ZFPM2: variants seen among roughly 807,000 people sequenced by gnomAD.
ZFPM2 encodes the protein zinc finger protein ZFPM2.
Under a neutral mutation model 98.6 loss-of-function variants are expected in ZFPM2, and 20 were observed. The ratio of observed to expected loss-of-function variants is 0.20; its 90% CI spans 0.14 to 0.29. ZFPM2 has a LOEUF of 0.29. ZFPM2 is among the 10% of genes least tolerant of loss of function. The probability of loss-of-function intolerance (pLI) is 1.00; values close to 1 mark genes in which losing one functional copy is unlikely to be tolerated. For missense variants in ZFPM2, 1,310 were observed against 1,388.6 expected (o/e 0.94, Z 0.90); for synonymous variants, 518 against 502.7 (o/e 1.03, Z -0.41).
At chr8:105,571,793 T>C (rs1815360144) in intron 4 of ZFPM2, among the ~76,000 whole-genome samples, 1 of 152,228 alleles carries the variant, frequency 6.6e-6, no homozygotes, top group Non-Finnish European at 1.5e-5. Context: ...GATAATGCTT[T>C]GTCAAACTCT....
chr8:105,446,885 A>G (rs1218846594), intron 3 of ZFPM2, among the ~76,000 whole-genome samples: 2 of 152,178 alleles, frequency 1.3e-5, no homozygotes, highest in Non-Finnish European at 2.9e-5. Flanking sequence ...TTTTCAAGGT[A>G]GAATATTCAT....
chr8:105,585,298 T>A (rs997186681), intron 4 of ZFPM2, among the ~76,000 whole-genome samples: 5 of 152,158 alleles, frequency 3.3e-5, no homozygotes, highest in Admixed American at 3.3e-4. Context: ...CCTTTTCAGT[T>A]TGTGGTTTTG....
intron 1 of ZFPM2, among the ~76,000 whole-genome samples, chr8:105,330,597 T>TATATATAC (rs1554595006): frequency 2.8e-5 from 2 of 71,440 alleles, no homozygotes; most frequent in Non-Finnish European, 5.5e-5. Flanking sequence ...TATATATACA[T>TATATATAC]ATATATATAT....
chr8:105,621,798 G>C (rs1161694461), intron 4 of ZFPM2, among the ~76,000 whole-genome samples: 1 of 151,882 alleles, frequency 6.6e-6, no homozygotes, highest in Non-Finnish European at 1.5e-5. Context: ...ATTATTGAAT[G>C]AATAATGAAT....
At chr8:105,570,913 A>G (rs1815340639) in intron 4 of ZFPM2, among the ~76,000 whole-genome samples, 1 of 152,210 alleles carries the variant, frequency 6.6e-6, no homozygotes, top group Non-Finnish European at 1.5e-5. Context: ...TTATTTTTAC[A>G]AGATTATTCA....
intron 4 of ZFPM2, among the ~76,000 whole-genome samples, chr8:105,580,191 G>C (rs1462853009): frequency 6.6e-6 from 1 of 152,136 alleles, no homozygotes; most frequent in African/African-American, 2.4e-5. Flanking sequence ...AAAGATATGT[G>C]CTGATAACAG....
At chr8:105,380,958 G>C (rs1810876402) in intron 1 of ZFPM2, among the ~76,000 whole-genome samples, 1 of 73,638 alleles carries the variant, frequency 1.4e-5, no homozygotes. Context: ...TTAAGTTCTG[G>C]GATACACGTG....
At chr8:105,456,707 C>T (rs895516096) in intron 3 of ZFPM2, among the ~76,000 whole-genome samples, 23 of 152,150 alleles carry the variant, frequency 1.5e-4, no homozygotes, top group Non-Finnish European at 2.8e-4. Context: ...GAGTCTTGCT[C>T]TGTTGCCCAG....
chr8:105,672,193 A>G (rs1040295406), intron 5 of ZFPM2, among the ~76,000 whole-genome samples: 24 of 151,988 alleles, frequency 1.6e-4, no homozygotes, highest in Admixed American at 1.2e-3. Flanking sequence ...GTTATCTTGT[A>G]TTACTCCTTT....
At chr8:105,513,099 G>C (rs1681142712) in intron 3 of ZFPM2, among the ~76,000 whole-genome samples, 1 of 152,136 alleles carries the variant, frequency 6.6e-6, no homozygotes, top group Non-Finnish European at 1.5e-5. Context: ...TTTAGCTCTT[G>C]TGTTTGTTGT....
intron 4 of ZFPM2, among the ~76,000 whole-genome samples, chr8:105,563,494 T>C (rs138066774): frequency 3.9e-5 from 6 of 152,304 alleles, no homozygotes; most frequent in African/African-American, 1.4e-4. Context: ...TTTAATATTC[T>C]GGGCAATTTG....
At chr8:105,475,476 G>A (rs1812995561) in intron 3 of ZFPM2, among the ~76,000 whole-genome samples, 1 of 152,206 alleles carries the variant, frequency 6.6e-6, no homozygotes, top group Admixed American at 6.5e-5. Flanking sequence ...CAGAGATCAA[G>A]TGTTTGAACT....
At chr8:105,540,944 A>G (rs79717605) in intron 3 of ZFPM2, among the ~76,000 whole-genome samples, 4,178 of 152,232 alleles carry the variant, frequency 0.027, 197 homozygotes, top group African/African-American at 0.095. Flanking sequence ...TAAATTATGC[A>G]TAATTTTCAT....
At chr8:105,615,992 CA>C (rs1378707528) in intron 4 of ZFPM2, among the ~76,000 whole-genome samples, 1 of 151,930 alleles carries the variant, frequency 6.6e-6, no homozygotes, top group Admixed American at 6.6e-5. Context: ...AGGCAACATA[CA>C]AAAAATTAAA....
intron 5 of ZFPM2, among the ~76,000 whole-genome samples, chr8:105,650,811 T>G (rs1448172991): frequency 6.6e-6 from 1 of 152,204 alleles, no homozygotes; most frequent in East Asian, 1.9e-4. Context: ...GTGGTCAATT[T>G]TGGAATAAGT....
intron 4 of ZFPM2, among the ~76,000 whole-genome samples, chr8:105,574,389 T>G (rs1815421350): frequency 6.6e-6 from 1 of 152,152 alleles, no homozygotes; most frequent in Admixed American, 6.5e-5. Flanking sequence ...CTTCTTTGAG[T>G]TTTCTTTTTG....
chr8:105,336,946 T>G (rs1394380695), intron 1 of ZFPM2, among the ~76,000 whole-genome samples: 1 of 151,810 alleles, frequency 6.6e-6, no homozygotes, highest in Non-Finnish European at 1.5e-5. Flanking sequence ...TAGTTTTTGT[T>G]GTTTAGTTGT....
intron 5 of ZFPM2, among the ~76,000 whole-genome samples, chr8:105,750,633 A>C (rs573073480): frequency 6.6e-6 from 1 of 151,968 alleles, no homozygotes; most frequent in African/African-American, 2.4e-5. Context: ...TGTACTCTGT[A>C]TGTCTGTTTT....
At chr8:105,580,327 A>G (rs1245425429) in intron 4 of ZFPM2, among the ~76,000 whole-genome samples, 1 of 152,174 alleles carries the variant, frequency 6.6e-6, no homozygotes, top group East Asian at 1.9e-4. Flanking sequence ...CCTTGTATCT[A>G]TCTTTGCCAA....
Sources: allele counts gnomAD v4.1 joint callset (sites outside exome capture counted in the v4.1 genomes callset), GRCh38; gene constraint gnomAD v4.1.1; transcripts MANE v1.5; gene names NCBI Gene and HGNC (gene_info 2026-07-23, HGNC 2026-07-21).